ESYT2: variants seen among roughly 807,000 people sequenced by gnomAD.
ESYT2 encodes the protein extended synaptotagmin 2.
In ESYT2, 54 loss-of-function variants were observed where a neutral mutation model predicts 107.2. The ratio of observed to expected loss-of-function variants is 0.50; its 90% CI spans 0.40 to 0.63. ESYT2 has a LOEUF of 0.63. Ranked by LOEUF, ESYT2 falls within the 30% of genes least tolerant of loss-of-function variation. The pLI, the probability that ESYT2 is intolerant of heterozygous loss-of-function variation, is 0.00. For missense variants in ESYT2, 1,020 were observed against 1,094.5 expected (o/e 0.93, Z 0.96); for synonymous variants, 491 against 434.1 (o/e 1.13, Z -1.63).
rs1836779740 is a variant in ESYT2, at chr7:158,732,348, T to C, written c.*1859A>G. ...GTCTTCCATAAATACCATAGTTAAA[T>C]GTTTTGTGTGCATACATGTTCGTAT... On this transcript the variant is annotated 3_prime_UTR_variant, in exon 23 of 23. Coordinates refer to ENST00000275418, the MANE Select transcript of ESYT2 (RefSeq NM_001367773.1). 6.6e-6 allele frequency: 1 copy of C among 152,194 alleles called. No homozygotes were observed. The highest frequency in any genetic ancestry group is 1.5e-5 in the Non-Finnish European group (1 of 68,030). 9.4% of individuals were successfully genotyped at this position (152,194 alleles called of 1,614,324 possible).
chr7:158,792,322 G>A (rs1478548343), intron 4 of ESYT2, among the ~76,000 whole-genome samples: 7 of 150,796 alleles, frequency 4.6e-5, no homozygotes, highest in East Asian at 3.9e-4. Context: ...CCAGGAGTTC[G>A]AGACTAGCCT....
At chr7:158,757,761 T>TG (rs1554582674) in intron 13 of ESYT2, among the ~76,000 whole-genome samples, 23 of 22,746 alleles carry the variant, frequency 1.0e-3, no homozygotes, top group Middle Eastern at 0.036. Flanking sequence ...TGGGTTTTTT[T>TG]TTTTTTGTTT....
chr7:158,735,036 C>G (rs911115222), intron 21 of ESYT2, among the ~76,000 whole-genome samples: 4 of 152,220 alleles, frequency 2.6e-5, no homozygotes, highest in African/African-American at 4.8e-5. Flanking sequence ...GCGGAGATGA[C>G]TCACAGAAGG....
At chr7:158,801,646 T>TA (rs10625146) in intron 1 of ESYT2, among the ~76,000 whole-genome samples, 60 of 152,012 alleles carry the variant, frequency 3.9e-4, no homozygotes, top group African/African-American at 1.4e-3. Flanking sequence ...TCTTTCAACT[T>TA]AAAGACTCAA....
chr7:158,757,589 G>A (rs1335633072), intron 13 of ESYT2, among the ~76,000 whole-genome samples: 2 of 151,690 alleles, frequency 1.3e-5, no homozygotes, highest in Non-Finnish European at 2.9e-5. Flanking sequence ...AGAGCTCGCG[G>A]GACGCCCCTT....
intron 7 of ESYT2, among the ~76,000 whole-genome samples, chr7:158,771,751 C>T (rs919686113): frequency 6.6e-6 from 1 of 152,202 alleles, no homozygotes. Context: ...GTCCCATGCA[C>T]GAGCGGCTGC....
At chr7:158,773,292 A>G (rs1215632664) in intron 7 of ESYT2, 49 bp downstream of exon 7, 2 of 1,604,604 alleles carry the variant, frequency 1.2e-6, no homozygotes, top group African/African-American at 2.7e-5. Context: ...TCCAAAATGC[A>G]CAACACGCCC....
intron 6 of ESYT2, among the ~76,000 whole-genome samples, chr7:158,775,507 CAAT>C (rs1402392759): frequency 6.6e-6 from 1 of 152,230 alleles, no homozygotes; most frequent in Non-Finnish European, 1.5e-5. Flanking sequence ...GTCATTTCAA[CAAT>C]GTTTGCAGCA....
In ESYT2 at chr7:158,806,083, G is replaced by A. The variant is rs1025924673; in HGVS notation, c.331-7011C>T. 1.4e-4 allele frequency among the ~76,000 whole-genome samples: 21 copies of A among 152,260 alleles called. No homozygotes were observed. In the East Asian group the frequency reaches 1.7e-3, roughly 13 times the overall value. On this transcript the variant is annotated intron_variant, in intron 1 of 22. Transcript: ENST00000275418. ...CGGCGCCGGGGCACACCGCGTGGGA[G>A]GCGCCGGGGCACACCGCGTGGGAGG...
chr7:158,798,173 T>A, intron 2 of ESYT2, 97 bp from the exon 3 acceptor site: 2 of 1,322,664 alleles, frequency 1.5e-6, no homozygotes, highest in East Asian at 2.4e-5. Context: ...CCAAACCTGG[T>A]TTTGAAAATA....
chr7:158,821,258 C>T (rs1345302341), intron 1 of ESYT2, among the ~76,000 whole-genome samples: 1 of 152,108 alleles, frequency 6.6e-6, no homozygotes, highest in South Asian at 2.1e-4. Flanking sequence ...TATGCCCCAC[C>T]CAATTCCAAA....
At chr7:158,786,832 A>T (rs1839131457) in intron 6 of ESYT2, among the ~76,000 whole-genome samples, 1 of 152,234 alleles carries the variant, frequency 6.6e-6, no homozygotes, top group Admixed American at 6.5e-5. Context: ...CATCAATGGC[A>T]CATCTTGCAT....
chr7:158,782,647 A>AAC (rs1012211872), intron 6 of ESYT2, among the ~76,000 whole-genome samples: 1 of 49,034 alleles, frequency 2.0e-5, no homozygotes, highest in Admixed American at 1.9e-4. Context: ...TGTGAGAACA[A>AAC]AGAAGTATTA....
rs774601902 is a variant in ESYT2, at chr7:158,741,815, C to T, written c.1876G>A (p.Gly626Arg). 6.2e-7 allele frequency: 1 copy of T among 1,614,046 alleles called. No homozygotes were observed. The highest frequency in any genetic ancestry group is 8.5e-7 in the Non-Finnish European group (1 of 1,180,012). The change falls in exon 18 of 23, where the codon GGG becomes AGG. Residue 626 changes from glycine to arginine, a missense_variant. Gly to Arg is a moderately radical substitution (Grantham distance 125, BLOSUM62 -2). Coordinates refer to ENST00000275418, the MANE Select transcript of ESYT2 (RefSeq NM_001367773.1). Reference protein sequence around the residue: ...QVKRPSVSKEGRKTSIKSHMS... With the variant: ...QVKRPSVSKERRKTSIKSHMS... ...TGAGATTTGATGGATGTTTTCCTCC[C>T]CTCTTTGGACACAGAGGGACGTTTG...
chr7:158,738,342 C>A (rs1306627525), intron 19 of ESYT2, among the ~76,000 whole-genome samples: 18,741 of 63,780 alleles, frequency 0.29, 2,212 homozygotes, highest in East Asian at 0.48. Context: ...CACACACACA[C>A]AGACACACAC....
chr7:158,812,217 G>T (rs1840011637), intron 1 of ESYT2, among the ~76,000 whole-genome samples: 1 of 152,218 alleles, frequency 6.6e-6, no homozygotes, highest in Non-Finnish European at 1.5e-5. Context: ...GAGCAGGGAT[G>T]GGCTTGGGCT....
At chr7:158,792,016 T>C (rs1279680732) in intron 4 of ESYT2, among the ~76,000 whole-genome samples, 1 of 152,168 alleles carries the variant, frequency 6.6e-6, no homozygotes, top group Non-Finnish European at 1.5e-5. Context: ...TATTTTATTC[T>C]TTTTGATTCT....
At chr7:158,787,686 G>A (rs558078075) in intron 6 of ESYT2, among the ~76,000 whole-genome samples, 2 of 152,190 alleles carry the variant, frequency 1.3e-5, no homozygotes, top group Non-Finnish European at 1.5e-5. Context: ...AGAGTCATGA[G>A]GATTAAATGA....
chr7:158,754,586 G>A (rs1441434156), intron 13 of ESYT2, among the ~76,000 whole-genome samples: 1 of 152,124 alleles, frequency 6.6e-6, no homozygotes, highest in African/African-American at 2.4e-5. Context: ...CTCCACAGTG[G>A]TGGCTATTAT....
Sources: gnomAD v4.1 joint callset for allele counts (sites outside exome capture counted in the v4.1 genomes callset) on GRCh38, gnomAD v4.1.1 for gene constraint, MANE v1.5 for transcripts, NCBI Gene and HGNC (gene_info 2026-07-23, HGNC 2026-07-21) for gene names.